Variants in SEMA5A observed in about 807,000 individuals in gnomAD.
SEMA5A encodes semaphorin 5A.
A neutral mutation model predicts 135.5 loss-of-function variants in SEMA5A; 55 were observed. That is an observed-to-expected ratio of 0.41 (90% CI 0.33 to 0.51). SEMA5A has a LOEUF of 0.51. SEMA5A is among the 20% of genes least tolerant of loss of function. SEMA5A has a pLI of 0.37. For missense variants in SEMA5A, 1,290 were observed against 1,419.9 expected (o/e 0.91, Z 1.47); for synonymous variants, 580 against 546.5 (o/e 1.06, Z -0.85).
chr5:9,108,918 T>C (rs1157316437), intron 15 of SEMA5A, among the ~76,000 whole-genome samples: 1 of 152,132 alleles, frequency 6.6e-6, no homozygotes, highest in African/African-American at 2.4e-5. Flanking sequence ...ATATTAGTTC[T>C]ATTTTTCAGT....
intron 5 of SEMA5A, among the ~76,000 whole-genome samples, chr5:9,274,003 T>G (rs544200374): frequency 6.6e-6 from 1 of 152,124 alleles, no homozygotes; most frequent in African/African-American, 2.4e-5. Context: ...TAACCTTAAA[T>G]GTAAATGGGT....
At chr5:9,138,101 C>G (rs1431768396) in intron 12 of SEMA5A, among the ~76,000 whole-genome samples, 1 of 152,144 alleles carries the variant, frequency 6.6e-6, no homozygotes, top group Non-Finnish European at 1.5e-5. Flanking sequence ...AAAGCTGTTT[C>G]TCAGAAGTAG....
rs149365909 is a variant in SEMA5A, at chr5:9,214,464, C to G, written c.646+10210G>C. Among the ~76,000 whole-genome samples, 15 of 152,262 alleles carry G rather than the reference C, an allele frequency of 9.9e-5. No homozygotes were observed. The East Asian group carries it at 2.5e-3, about 25-fold the overall frequency. On this transcript the variant is annotated intron_variant, in intron 8 of 22. Coordinates refer to ENST00000382496, the MANE Select transcript of SEMA5A (RefSeq NM_003966.3). ...ATGCTGTTGGTGTCATAAGAAATTGCACCTGGAACTGCAGTATAAAATCCA... is the reference window on the plus strand; with the variant it reads ...ATGCTGTTGGTGTCATAAGAAATTGGACCTGGAACTGCAGTATAAAATCCA...
chr5:9,467,072 A>G (rs1321082209), intron 1 of SEMA5A, among the ~76,000 whole-genome samples: 1 of 152,240 alleles, frequency 6.6e-6, no homozygotes, highest in African/African-American at 2.4e-5. Flanking sequence ...CTTTTGAGCT[A>G]AAAGAATCAG....
intron 11 of SEMA5A, among the ~76,000 whole-genome samples, chr5:9,169,841 C>A (rs1743817326): frequency 6.6e-6 from 1 of 152,176 alleles, no homozygotes; most frequent in Non-Finnish European, 1.5e-5. Flanking sequence ...CCCTAGGACA[C>A]AAATACTCAT....
chr5:9,084,447 G>A (rs981966727), intron 16 of SEMA5A, among the ~76,000 whole-genome samples: 2 of 152,182 alleles, frequency 1.3e-5, no homozygotes, highest in Non-Finnish European at 2.9e-5. Context: ...GGAGGAACCT[G>A]TTGGGAGATA....
intron 5 of SEMA5A, among the ~76,000 whole-genome samples, chr5:9,272,918 A>T (rs564023749): frequency 6.6e-6 from 1 of 152,248 alleles, no homozygotes; most frequent in African/African-American, 2.4e-5. Flanking sequence ...CCAGTGCAAA[A>T]ATACTAAAAA....
intron 9 of SEMA5A, among the ~76,000 whole-genome samples, chr5:9,199,480 G>T (rs1745588978): frequency 6.6e-6 from 1 of 152,168 alleles, no homozygotes; most frequent in East Asian, 1.9e-4. Flanking sequence ...CGCTTCTTCA[G>T]GGTCTCCAGA....
At chr5:9,051,390 C>T (rs76633370) in intron 20 of SEMA5A, among the ~76,000 whole-genome samples, 1,559 of 152,218 alleles carry the variant, frequency 0.01, 15 homozygotes, top group Non-Finnish European at 0.014. Flanking sequence ...ACTGACTTTA[C>T]CATGAGAAGC....
chr5:9,149,865 G>A (rs1418550616), intron 12 of SEMA5A, among the ~76,000 whole-genome samples: 1 of 152,158 alleles, frequency 6.6e-6, no homozygotes, highest in Non-Finnish European at 1.5e-5. Context: ...ACAGAGGTGG[G>A]AAGCCTATGA....
Position 9,528,165 on chromosome 5 carries a change from C to T in SEMA5A, c.-175+17419G>A, listed in dbSNP as rs562045785. ...AAATATGAATATCTACTTAGTGAGA[C>T]TGACCTAGAACACAGTTCATCCCAA... is the stretch of plus-strand genomic sequence containing the variant. On this transcript the variant is annotated intron_variant, in intron 1 of 22. Coordinates refer to ENST00000382496, the MANE Select transcript of SEMA5A (RefSeq NM_003966.3). Among the ~76,000 whole-genome samples the T allele has an allele frequency of 2.6e-5, 4 of 152,266 alleles. No homozygotes were observed. The East Asian group carries it at 7.7e-4, about 29-fold the overall frequency.
chr5:9,257,828 A>G (rs1201032873), intron 5 of SEMA5A, among the ~76,000 whole-genome samples: 1 of 152,160 alleles, frequency 6.6e-6, no homozygotes, highest in African/African-American at 2.4e-5. Flanking sequence ...AGCAAAGCCC[A>G]GGAACAGGGT....
At chr5:9,530,481 CT>C (rs937649660) in intron 1 of SEMA5A, among the ~76,000 whole-genome samples, 57 of 151,564 alleles carry the variant, frequency 3.8e-4, no homozygotes, top group African/African-American at 1.1e-3. Context: ...ATAAAATGTT[CT>C]TTTTTTTTAT....
At chr5:9,416,286 G>A (rs1329351635) in intron 2 of SEMA5A, among the ~76,000 whole-genome samples, 1 of 152,172 alleles carries the variant, frequency 6.6e-6, no homozygotes, top group Non-Finnish European at 1.5e-5. Flanking sequence ...AATTGGAGAG[G>A]TGGGAGGTCA....
chr5:9,402,010 G>C (rs1305371069), intron 2 of SEMA5A, among the ~76,000 whole-genome samples: 1 of 152,160 alleles, frequency 6.6e-6, no homozygotes, highest in African/African-American at 2.4e-5. Flanking sequence ...CTTATTTGCT[G>C]TAACCACATG....
rs1177412437 is a variant in SEMA5A at position 9,220,546 on chromosome 5, GA to G, written c.646+4127del. Among the ~76,000 whole-genome samples, 7 of 151,766 alleles carry G rather than the reference GA, an allele frequency of 4.6e-5. 1 individual carries two copies. In the South Asian group the frequency reaches 1.3e-3, roughly 27 times the overall value. The stretch of plus-strand genomic sequence containing the variant: ...AGAAATTATTGAAATAGAAAACTAA[GA>G]AAAAAACAACAAAAAAAATTTGGTA... On this transcript the variant is annotated intron_variant, in intron 8 of 22. Transcript: ENST00000382496.
At chr5:9,290,201 C>T (rs1751011060) in intron 5 of SEMA5A, among the ~76,000 whole-genome samples, 1 of 152,100 alleles carries the variant, frequency 6.6e-6, no homozygotes, top group South Asian at 2.1e-4. Flanking sequence ...ATCCCTCACC[C>T]CCTCCCACCC....
intron 2 of SEMA5A, among the ~76,000 whole-genome samples, chr5:9,423,016 CA>C (rs1194893959): frequency 6.6e-6 from 1 of 152,180 alleles, no homozygotes; most frequent in African/African-American, 2.4e-5. Context: ...ACAGTTGATG[CA>C]AATTCCACCT....
intron 2 of SEMA5A, among the ~76,000 whole-genome samples, chr5:9,387,878 T>C (rs1168879527): frequency 5.3e-5 from 8 of 152,190 alleles, no homozygotes; most frequent in Admixed American, 1.3e-4. Context: ...TCCACAAATA[T>C]ATCACATCTC....
Sources: gnomAD v4.1 joint callset for allele counts (sites outside exome capture counted in the v4.1 genomes callset) on GRCh38, gnomAD v4.1.1 for gene constraint, MANE v1.5 for transcripts, NCBI Gene and HGNC (gene_info 2026-07-23, HGNC 2026-07-21) for gene names.